MALRD1: variants seen among roughly 807,000 people sequenced by gnomAD.
MALRD1 encodes MAM and LDL receptor class A domain containing 1.
Under a neutral mutation model 242.1 loss-of-function variants are expected in MALRD1, and 247 were observed. The ratio of observed to expected loss-of-function variants is 1.02; its 90% CI spans 0.92 to 1.13. MALRD1 has a LOEUF of 1.13. Ranked by LOEUF, MALRD1 falls within the 50% of genes most tolerant of loss-of-function variation. The pLI, the probability that MALRD1 is intolerant of heterozygous loss-of-function variation, is 0.00. For synonymous variants in MALRD1, 995 were observed against 866.6 expected (o/e 1.15, Z -2.60); for missense variants, 2,989 against 2,533.1 (o/e 1.18, Z -3.86).
At chr10:19,306,104 AGT>A (rs1842175611) in intron 21 of MALRD1, among the ~76,000 whole-genome samples, 3 of 113,062 alleles carry the variant, frequency 2.7e-5, no homozygotes, top group African/African-American at 7.3e-5. Context: ...TATACTAGAT[AGT>A]ATATATATAC....
chr10:19,627,889 A>G (rs1839735948), intron 36 of MALRD1, among the ~76,000 whole-genome samples: 1 of 152,150 alleles, frequency 6.6e-6, no homozygotes, highest in African/African-American at 2.4e-5. Flanking sequence ...AAATTATGTA[A>G]CAGATAAACT....
chr10:19,345,789 TA>T (rs1463855713), intron 24 of MALRD1, among the ~76,000 whole-genome samples: 1 of 151,960 alleles, frequency 6.6e-6, no homozygotes, highest in Non-Finnish European at 1.5e-5. Flanking sequence ...TTTCAACAGC[TA>T]AAAATGATTA....
At chr10:19,333,275 T>G (rs1445117816) in intron 24 of MALRD1, among the ~76,000 whole-genome samples, 1 of 152,112 alleles carries the variant, frequency 6.6e-6, no homozygotes, top group African/African-American at 2.4e-5. Flanking sequence ...ACACAATAGA[T>G]TTTTAGCCCT....
rs148419108 is a variant in MALRD1, at chr10:19,174,914, A to T, written c.1831-294A>T. Among the ~76,000 whole-genome samples the T allele has an allele frequency of 1.2e-3, 177 of 152,314 alleles. 1 individual carries two copies. Among genetic ancestry groups the T allele is most frequent in the African/African-American group, 3.8e-3 (158 of 41,582 alleles). On this transcript the variant is annotated intron_variant, in intron 13 of 39. Coordinates refer to ENST00000454679, the MANE Select transcript of MALRD1 (RefSeq NM_001142308.3). The stretch of plus-strand genomic sequence containing the variant: ...AGTTGATTACCCCAAAGAGCTCATT[A>T]TAAATGCATATGACTCTTAATGGCT...
intron 14 of MALRD1, among the ~76,000 whole-genome samples, chr10:19,188,027 GTT>G (rs1413568873): frequency 6.6e-6 from 1 of 152,164 alleles, no homozygotes. Flanking sequence ...GTCATTCACA[GTT>G]TTTAAATTAT....
In MALRD1 at chr10:19,513,588, A is replaced by T. The variant is rs370567243; in HGVS notation, c.5320+14942A>T. 1.2e-4 allele frequency among the ~76,000 whole-genome samples: 19 copies of T among 152,114 alleles called. No homozygotes were observed. The East Asian group carries it at 3.7e-3, about 30-fold the overall frequency. The stretch of plus-strand genomic sequence containing the variant: ...CCCCGTCTCTACTAAAAATACAAAA[A>T]ATTAGCCAGGCGTGGTAGCGGGTGC... On this transcript the variant is annotated intron_variant, in intron 31 of 39. Transcript: ENST00000454679.
rs202203495 is a variant in MALRD1 at position 19,125,290 on chromosome 10, T to TTTCCTTCC, written c.943+648_943+655dup. Among the ~76,000 whole-genome samples the TTTCCTTCC allele has an allele frequency of 6.9e-4, 48 of 69,114 alleles. 1 individual carries two copies. The highest frequency in any genetic ancestry group is 3.5e-3 in the East Asian group (8 of 2,264). The allele number at this position is 69,114 out of a possible 152,430, so 45.3% of individuals were successfully genotyped here. On this transcript the variant is annotated intron_variant, in intron 7 of 39. Coordinates refer to ENST00000454679, the MANE Select transcript of MALRD1 (RefSeq NM_001142308.3). Reference sequence around the variant, plus strand: ...TTCTCTTTCTTTCTTTCTTTCTTTCTTTCCTTCCTTCCTTCCTTCCTTCCT... The same window carrying TTTCCTTCC: ...TTCTCTTTCTTTCTTTCTTTCTTTCTTTCCTTCCTTCCTTCCTTCCTTCCTTCCTTCCT...
rs886771734 is a variant in MALRD1 at position 19,282,932 on chromosome 10, A to G, written c.3257-87A>G. 4.3e-6 allele frequency: 4 copies of G among 928,292 alleles called. No individual in the cohort carries two copies. In the African/African-American group the frequency reaches 5.2e-5, roughly 12 times the overall value. The allele number at this position is 928,292 out of a possible 1,614,324, so 57.5% of individuals were successfully genotyped here. The stretch of plus-strand genomic sequence containing the variant: ...TTTAAAAGTTACATTAGAATTAAAA[A>G]CAAGAGTAAGAAAGTGCTGATTAAG... On this transcript the variant is annotated intron_variant, in intron 20 of 39. Coordinates refer to ENST00000454679, the MANE Select transcript of MALRD1 (RefSeq NM_001142308.3).
chr10:19,509,840 T>C (rs567599565), intron 31 of MALRD1, among the ~76,000 whole-genome samples: 3 of 152,088 alleles, frequency 2.0e-5, no homozygotes, highest in Non-Finnish European at 4.4e-5. Context: ...CACCTGTGGG[T>C]GTTTCTCGTC....
chr10:19,579,095 G>C (rs184574124), intron 33 of MALRD1, among the ~76,000 whole-genome samples: 1 of 152,104 alleles, frequency 6.6e-6, no homozygotes, highest in Non-Finnish European at 1.5e-5. Context: ...TTCCTCAAAA[G>C]TTACTCTTCC....
intron 33 of MALRD1, among the ~76,000 whole-genome samples, chr10:19,578,853 A>G (rs781749120): frequency 6.6e-5 from 10 of 152,210 alleles, no homozygotes; most frequent in Non-Finnish European, 1.5e-4. Flanking sequence ...GTCGGTTTCC[A>G]TATATACATC....
intron 32 of MALRD1, among the ~76,000 whole-genome samples, chr10:19,553,580 C>T (rs1241131789): frequency 2.0e-5 from 3 of 152,100 alleles, no homozygotes; most frequent in East Asian, 1.9e-4. Context: ...TTTTGTTATT[C>T]AGAAACTGAT....
chr10:19,196,181 A>G (rs11008892), intron 14 of MALRD1, among the ~76,000 whole-genome samples: 25,458 of 151,972 alleles, frequency 0.17, 2,297 homozygotes, highest in Non-Finnish European at 0.2. Flanking sequence ...TATAAGAAAG[A>G]AAAAAAAGTT....
chr10:19,237,044 T>C (rs371299274), intron 18 of MALRD1, among the ~76,000 whole-genome samples: 1 of 152,028 alleles, frequency 6.6e-6, no homozygotes, highest in African/African-American at 2.4e-5. Context: ...AGGATACAAT[T>C]TGATGTTTCA....
intron 4 of MALRD1, among the ~76,000 whole-genome samples, chr10:19,088,594 T>A (rs1359700216): frequency 2.3e-5 from 3 of 128,058 alleles, no homozygotes; most frequent in African/African-American, 9.2e-5. Flanking sequence ...TATTTATTTT[T>A]TTTTATTATA....
chr10:19,514,483 T>G (rs184378229), intron 31 of MALRD1, among the ~76,000 whole-genome samples: 1 of 152,244 alleles, frequency 6.6e-6, no homozygotes, highest in African/African-American at 2.4e-5. Flanking sequence ...CCTAAGTTAG[T>G]TCAACGTCAA....
At chr10:19,167,337 C>T (rs1834735261) in intron 13 of MALRD1, among the ~76,000 whole-genome samples, 1 of 152,024 alleles carries the variant, frequency 6.6e-6, no homozygotes, top group South Asian at 2.1e-4. Flanking sequence ...GCAGCCTGGG[C>T]AACAGAGTGA....
At chr10:19,399,818 A>G (rs932629692) in intron 28 of MALRD1, among the ~76,000 whole-genome samples, 2 of 152,194 alleles carry the variant, frequency 1.3e-5, no homozygotes, top group Non-Finnish European at 2.9e-5. Context: ...TACATCTTCT[A>G]AAGAAGTCAG....
At chr10:19,344,796 A>G (rs941218940) in intron 24 of MALRD1, among the ~76,000 whole-genome samples, 7 of 151,568 alleles carry the variant, frequency 4.6e-5, no homozygotes, top group Admixed American at 1.3e-4. Context: ...CATTATTTAG[A>G]TCTTTGATTT....
Sources: gnomAD v4.1 joint callset for allele counts (sites outside exome capture counted in the v4.1 genomes callset) on GRCh38, gnomAD v4.1.1 for gene constraint, MANE v1.5 for transcripts, NCBI Gene and HGNC (gene_info 2026-07-23, HGNC 2026-07-21) for gene names.